DGKB: variants seen among roughly 807,000 people sequenced by gnomAD.
DGKB encodes 90 kDa diacylglycerol kinase.
DGKB carries 67 observed loss-of-function variants against 114.3 expected under a neutral mutation model. That is an observed-to-expected ratio of 0.59 (90% CI 0.48 to 0.72). The LOEUF (loss-of-function observed/expected upper bound fraction) is 0.72, where lower values mean the gene tolerates loss of function less well. Among genes scored for constraint, DGKB ranks in the 30% least tolerant of loss-of-function variants. The pLI is 0.00. For missense variants in DGKB, 907 were observed against 975.2 expected (o/e 0.93, Z 0.93); for synonymous variants, 398 against 323.1 (o/e 1.23, Z -2.49).
chr7:14,591,843 C>T (rs1801752534), intron 17 of DGKB, among the ~76,000 whole-genome samples: 1 of 151,810 alleles, frequency 6.6e-6, no homozygotes, highest in Admixed American at 6.6e-5. Flanking sequence ...ACAGAAAAGG[C>T]AGTAAATTTT....
intron 25 of DGKB, 86 bp from the exon 26 acceptor site, chr7:14,149,324 G>T: frequency 2.1e-6 from 2 of 935,338 alleles, no homozygotes; most frequent in East Asian, 2.5e-5. Flanking sequence ...TCTCTGTTAA[G>T]GTTAATAATA....
chr7:14,157,859 C>G (rs1783254875), intron 25 of DGKB, among the ~76,000 whole-genome samples: 2 of 152,120 alleles, frequency 1.3e-5, no homozygotes, highest in African/African-American at 4.8e-5. Context: ...AAAAACATAA[C>G]AAAACAATAC....
chr7:14,715,114 C>G (rs1424262649), intron 6 of DGKB, among the ~76,000 whole-genome samples: 1 of 152,070 alleles, frequency 6.6e-6, no homozygotes, highest in Non-Finnish European at 1.5e-5. Context: ...ATCACTGAGA[C>G]AGTGAATTCT....
At chr7:14,645,145 G>A (rs140967863) in intron 13 of DGKB, among the ~76,000 whole-genome samples, 23 of 151,962 alleles carry the variant, frequency 1.5e-4, no homozygotes, top group African/African-American at 2.4e-4. Flanking sequence ...TGCATTCCCC[G>A]ATTCTAAGCC....
At chr7:14,557,660 G>T (rs1796066302) in intron 20 of DGKB, among the ~76,000 whole-genome samples, 1 of 151,728 alleles carries the variant, frequency 6.6e-6, no homozygotes, top group Admixed American at 6.6e-5. Context: ...GCTTTTGATA[G>T]AAAATCTTCA....
At chr7:14,647,667 G>C (rs1044901503) in intron 13 of DGKB, among the ~76,000 whole-genome samples, 5 of 152,090 alleles carry the variant, frequency 3.3e-5, no homozygotes, top group Non-Finnish European at 4.4e-5. Flanking sequence ...GTAACAGCTC[G>C]GGTCTACAGC....
chr7:14,164,416 T>C (rs1357728182), intron 25 of DGKB, among the ~76,000 whole-genome samples: 1 of 152,206 alleles, frequency 6.6e-6, no homozygotes, highest in Non-Finnish European at 1.5e-5. Flanking sequence ...ATGAAACTGG[T>C]ACATTAAGAA....
intron 23 of DGKB, among the ~76,000 whole-genome samples, chr7:14,229,398 A>C (rs920906776): frequency 1.3e-5 from 2 of 152,026 alleles, no homozygotes; most frequent in African/African-American, 4.8e-5. Flanking sequence ...GGCAATGGTA[A>C]CTTAATGGTA....
intron 21 of DGKB, among the ~76,000 whole-genome samples, chr7:14,418,327 G>GTA (rs1020426338): frequency 1.2e-4 from 9 of 75,566 alleles, no homozygotes; most frequent in Admixed American, 9.8e-4. Flanking sequence ...ATGTATATAT[G>GTA]TATATATATA....
intron 7 of DGKB, among the ~76,000 whole-genome samples, chr7:14,700,680 C>A (rs1825012450): frequency 6.6e-6 from 1 of 152,136 alleles, no homozygotes; most frequent in Non-Finnish European, 1.5e-5. Flanking sequence ...AGGCTTCCAA[C>A]CTCATTGCTT....
At chr7:14,614,085 T>C (rs1806092850) in intron 15 of DGKB, among the ~76,000 whole-genome samples, 1 of 152,202 alleles carries the variant, frequency 6.6e-6, no homozygotes, top group Non-Finnish European at 1.5e-5. Flanking sequence ...CATGTGCTAC[T>C]GCTTTCATCA....
chr7:14,974,812 C>T (rs963654708), upstream of DGKB: 4 of 152,038 alleles, frequency 2.6e-5, no homozygotes, highest in South Asian at 4.1e-4. Context: ...ACATTTTATT[C>T]AGAAATATAG....
At chr7:14,749,500 C>T (rs73064732) in intron 4 of DGKB, among the ~76,000 whole-genome samples, 2,313 of 151,878 alleles carry the variant, frequency 0.015, 45 homozygotes, top group African/African-American at 0.047. Flanking sequence ...AGGAAATGGC[C>T]GAAAGATAAT....
In DGKB at chr7:14,149,033, C is replaced by T; in HGVS notation, c.*98G>A. On this transcript the variant is annotated 3_prime_UTR_variant, in exon 26 of 26. Coordinates refer to ENST00000402815, the MANE Select transcript of DGKB (RefSeq NM_001350709.2). ...CTGTTAAACCACTTCCATGATTTTG[C>T]ATGAGCAGGAGACTTGAAATGGTTC... 2 of 1,040,606 alleles carry T rather than the reference C, an allele frequency of 1.9e-6. No homozygotes were observed. The highest frequency in any genetic ancestry group is 3.0e-6 in the Non-Finnish European group (2 of 672,620). 64.5% of individuals were successfully genotyped at this position (1,040,606 alleles called of 1,614,324 possible).
chr7:14,732,519 C>A (rs1430949179), intron 5 of DGKB, among the ~76,000 whole-genome samples: 1 of 151,052 alleles, frequency 6.6e-6, no homozygotes, highest in Non-Finnish European at 1.5e-5. Flanking sequence ...ATTGTTCCTT[C>A]TTCCTCAGGA....
intron 21 of DGKB, among the ~76,000 whole-genome samples, chr7:14,368,576 T>TGTGTGTGC (rs1817095897): frequency 6.7e-6 from 1 of 149,682 alleles, no homozygotes; most frequent in African/African-American, 2.5e-5. Context: ...ATTTTCTCTG[T>TGTGTGTGC]GTGTGTGTGT....
chr7:14,163,520 G>T (rs892039195), intron 25 of DGKB, among the ~76,000 whole-genome samples: 22 of 152,110 alleles, frequency 1.4e-4, no homozygotes, highest in Admixed American at 9.8e-4. Flanking sequence ...TACTAATGAA[G>T]ATTTAGGTAA....
intron 9 of DGKB, among the ~76,000 whole-genome samples, chr7:14,687,944 A>C (rs951207897): frequency 6.6e-6 from 1 of 152,216 alleles, no homozygotes; most frequent in Non-Finnish European, 1.5e-5. Flanking sequence ...CAGGCATAAA[A>C]TGCTTTACCA....
At chr7:14,532,247 C>CA (rs57982538) in intron 20 of DGKB, among the ~76,000 whole-genome samples, 71,308 of 141,038 alleles carry the variant, frequency 0.51, 17,861 homozygotes, top group East Asian at 0.83. Context: ...ATGAGACCTA[C>CA]AAAAAAAAAA....
Sources: allele counts gnomAD v4.1 joint callset (sites outside exome capture counted in the v4.1 genomes callset), GRCh38; gene constraint gnomAD v4.1.1; transcripts MANE v1.5; gene names NCBI Gene and HGNC (gene_info 2026-07-23, HGNC 2026-07-21).